Variants in PTER observed in about 807,000 individuals in gnomAD.
PTER encodes the protein phosphotriesterase related.
PTER carries 38 observed loss-of-function variants against 29.6 expected under a neutral mutation model. That is an observed-to-expected ratio of 1.28 (90% CI 0.99 to 1.68). PTER has a LOEUF of 1.68. Ranked by LOEUF, PTER falls within the 40% of genes most tolerant of loss-of-function variation. PTER has a pLI of 0.00. For synonymous variants in PTER, 172 were observed against 154.5 expected, an observed-to-expected ratio of 1.11 and a Z score of -0.84; for missense variants, 482 against 427.8, an observed-to-expected ratio of 1.13 and a Z score of -1.12.
chr10:16,467,744 G>A (rs1329660053), intron 1 of PTER, among the ~76,000 whole-genome samples: 1 of 152,088 alleles, frequency 6.6e-6, no homozygotes, highest in Non-Finnish European at 1.5e-5. Flanking sequence ...CCTGGAAGAT[G>A]GAGGTTGCAG....
chr10:16,465,408 G>A (rs752484664), intron 1 of PTER, among the ~76,000 whole-genome samples: 10 of 152,130 alleles, frequency 6.6e-5, no homozygotes, highest in African/African-American at 1.4e-4. Flanking sequence ...AAATTAGCAC[G>A]TTTGGAAAGC....
At chr10:16,476,606 G>A (rs1022146294) in intron 1 of PTER, among the ~76,000 whole-genome samples, 2 of 151,828 alleles carry the variant, frequency 1.3e-5, no homozygotes, top group Admixed American at 1.3e-4. Flanking sequence ...TACTTTGTTG[G>A]CCAGGTTGGA....
At chr10:16,496,110 A>G (rs964460063) in intron 3 of PTER, among the ~76,000 whole-genome samples, 4 of 152,338 alleles carry the variant, frequency 2.6e-5, no homozygotes, top group Middle Eastern at 3.4e-3. Context: ...ACCTCCAGAT[A>G]CAAGCTCTCC....
chr10:16,503,544 A>G (rs1836445230), intron 3 of PTER, among the ~76,000 whole-genome samples: 1 of 152,118 alleles, frequency 6.6e-6, no homozygotes, highest in South Asian at 2.1e-4. Flanking sequence ...AGCTGGGATT[A>G]CAGGCACCCA....
At chr10:16,461,487 A>G (rs1284321335) in intron 1 of PTER, among the ~76,000 whole-genome samples, 1 of 152,206 alleles carries the variant, frequency 6.6e-6, no homozygotes, top group East Asian at 1.9e-4. Flanking sequence ...TTATTGCTCT[A>G]TGACACATGT....
intron 3 of PTER, among the ~76,000 whole-genome samples, chr10:16,497,638 T>G (rs1180555676): frequency 6.6e-6 from 1 of 152,238 alleles, no homozygotes; most frequent in African/African-American, 2.4e-5. Context: ...TTTTGTTATC[T>G]TGATCCTACC....
In PTER at chr10:16,455,238, C is replaced by CA. The variant is rs373512547; in HGVS notation, c.-49+18201dup. On this transcript the variant is annotated intron_variant, in intron 1 of 4. Transcript: ENST00000535784. ...AGAGAGACCCTGTCTCAAAACAAAA[C>CA]AAAAAAAAAATGAATAAGCAGAGCT... Among the ~76,000 whole-genome samples, 272 of 145,814 alleles carry CA rather than the reference C, an allele frequency of 1.9e-3. 7 individuals are homozygous for CA. The highest frequency in any genetic ancestry group is 3.1e-3 in the African/African-American group (125 of 39,810).
chr10:16,465,363 A>T (rs750235199), intron 1 of PTER, among the ~76,000 whole-genome samples: 2 of 152,190 alleles, frequency 1.3e-5, no homozygotes, highest in Non-Finnish European at 2.9e-5. Flanking sequence ...TCCTCAGGAA[A>T]CATTTGCAAC....
chr10:16,446,777 T>C (rs1412078754), intron 1 of PTER, among the ~76,000 whole-genome samples: 4 of 151,958 alleles, frequency 2.6e-5, no homozygotes, highest in African/African-American at 9.7e-5. Flanking sequence ...TGTTTGTTTG[T>C]TTGTTTGTTT....
intron 1 of PTER, among the ~76,000 whole-genome samples, chr10:16,453,560 A>G (rs1442121086): frequency 6.6e-6 from 1 of 152,178 alleles, no homozygotes; most frequent in Non-Finnish European, 1.5e-5. Context: ...TAAATAATTA[A>G]CAATCTGGAA....
intron 3 of PTER, among the ~76,000 whole-genome samples, chr10:16,500,092 T>C (rs1564408010): frequency 6.6e-6 from 1 of 152,132 alleles, no homozygotes; most frequent in Non-Finnish European, 1.5e-5. Flanking sequence ...ATCAGCCTAA[T>C]TGCTTCCCTT....
intron 1 of PTER, among the ~76,000 whole-genome samples, chr10:16,469,408 AG>A (rs1350402436): frequency 2.0e-5 from 3 of 152,214 alleles, no homozygotes; most frequent in African/African-American, 7.2e-5. Flanking sequence ...AGGCTTCCTA[AG>A]GTGGATTGCA....
At chr10:16,438,028 G>C (rs1833712311) in intron 1 of PTER, among the ~76,000 whole-genome samples, 1 of 152,156 alleles carries the variant, frequency 6.6e-6, no homozygotes, top group Non-Finnish European at 1.5e-5. Context: ...TTTTTTTAAA[G>C]ACAGAGTCTC....
intron 3 of PTER, among the ~76,000 whole-genome samples, chr10:16,503,147 C>T (rs564115837): frequency 1.8e-4 from 25 of 136,562 alleles, no homozygotes; most frequent in Non-Finnish European, 3.7e-4. Flanking sequence ...TCTCAAACTC[C>T]TAGCCTCAAA....
intron 1 of PTER, among the ~76,000 whole-genome samples, chr10:16,455,701 G>A (rs1238337869): frequency 1.3e-5 from 2 of 151,972 alleles, no homozygotes; most frequent in Non-Finnish European, 2.9e-5. Context: ...AAAATAAAAA[G>A]AGCAAGCCAA....
chr10:16,460,669 C>T (rs1834578086), intron 1 of PTER, among the ~76,000 whole-genome samples: 1 of 152,020 alleles, frequency 6.6e-6, no homozygotes, highest in South Asian at 2.1e-4. Flanking sequence ...CTTAAACTTT[C>T]TTTTTTTATT....
chr10:16,441,621 G>A (rs548422273), intron 1 of PTER, among the ~76,000 whole-genome samples: 1 of 152,310 alleles, frequency 6.6e-6, no homozygotes, highest in African/African-American at 2.4e-5. Flanking sequence ...AACAATCAAA[G>A]TTCTCCCCTT....
chr10:16,465,282 C>T lies in PTER; in HGVS notation c.-48-19055C>T, dbSNP rs57628369. Among the ~76,000 whole-genome samples, 745 of 152,292 alleles carry T rather than the reference C, an allele frequency of 4.9e-3. 12 individuals carry two copies. Among genetic ancestry groups the T allele is most frequent in the African/African-American group, 0.017 (708 of 41,570 alleles). On this transcript the variant is annotated intron_variant, in intron 1 of 4. Transcript: ENST00000535784. ...TAAGGTAGGCACTGTGTTGGTGGCT[C>T]CTCTCCTAGGGCCAGGATTGTTTCT...
chr10:16,493,754 A>G (rs565122205), intron 3 of PTER, among the ~76,000 whole-genome samples: 9 of 152,264 alleles, frequency 5.9e-5, no homozygotes, highest in African/African-American at 2.2e-4. Flanking sequence ...AAGAAGGAAA[A>G]AAGGAAACAG....
Sources: allele counts gnomAD v4.1 joint callset (sites outside exome capture counted in the v4.1 genomes callset), GRCh38; gene constraint gnomAD v4.1.1; transcripts MANE v1.5; gene names NCBI Gene and HGNC (gene_info 2026-07-23, HGNC 2026-07-21).